Variants in HSD17B4 observed in about 807,000 individuals in gnomAD.
The protein encoded by HSD17B4 is peroxisomal multifunctional enzyme type 2.
Under a neutral mutation model 101.0 loss-of-function variants are expected in HSD17B4, and 70 were observed. The ratio of observed to expected loss-of-function variants is 0.69; its 90% CI spans 0.57 to 0.85. The LOEUF is 0.85. HSD17B4 is among the 40% of genes least tolerant of loss of function. HSD17B4 has a pLI of 0.00. For missense variants in HSD17B4, 984 were observed against 892.4 expected, an observed-to-expected ratio of 1.10 and a Z score of -1.31; for synonymous variants, 347 against 297.1, an observed-to-expected ratio of 1.17 and a Z score of -1.73.
intron 23 of HSD17B4, among the ~76,000 whole-genome samples, chr5:119,541,073 ATGAT>A (rs1312238286): frequency 2.0e-5 from 3 of 152,190 alleles, no homozygotes; most frequent in African/African-American, 7.2e-5. Context: ...TATAAAAACT[ATGAT>A]TGATTATTTT....
At chr5:119,497,359 A>G (rs1192498531) in intron 12 of HSD17B4, among the ~76,000 whole-genome samples, 2 of 152,140 alleles carry the variant, frequency 1.3e-5, no homozygotes, top group Non-Finnish European at 2.9e-5. Context: ...GATAAAATGA[A>G]CTGTGGCTAA....
chr5:119,473,835 T>A, intron 2 of HSD17B4, 73 bp from the exon 3 acceptor site: 1 of 879,504 alleles, frequency 1.1e-6, no homozygotes, highest in South Asian at 1.4e-5. Context: ...AGAATTTCAT[T>A]TTCCACACAC....
At chr5:119,493,042 A>T (rs775880440) in intron 10 of HSD17B4, 1 of 152,176 alleles carries the variant, frequency 6.6e-6, no homozygotes, top group Non-Finnish European at 1.5e-5. Flanking sequence ...TATTGCATTC[A>T]TTTAAAAAAG....
chr5:119,509,000 G>A (rs1751915343), intron 15 of HSD17B4, 141 bp from the exon 16 acceptor site: 1 of 640,416 alleles, frequency 1.6e-6, no homozygotes, highest in South Asian at 1.8e-5. Flanking sequence ...TCCAAACTTG[G>A]ACACCTTTAC....
At chr5:119,464,873 C>T (rs556128037) in intron 2 of HSD17B4, among the ~76,000 whole-genome samples, 15 of 152,288 alleles carry the variant, frequency 9.8e-5, no homozygotes, top group African/African-American at 2.4e-4. Context: ...GGATTATAGG[C>T]GTGAGCCACC....
intron 1 of HSD17B4, 71 bp from the exon 2 acceptor site, chr5:119,456,244 A>G: frequency 3.3e-6 from 3 of 912,568 alleles, no homozygotes; most frequent in Non-Finnish European, 5.6e-6. Flanking sequence ...TTAAATGGGG[A>G]TTGAGTTGAG....
chr5:119,486,036 A>C (rs1175469199), intron 8 of HSD17B4, among the ~76,000 whole-genome samples: 1 of 152,128 alleles, frequency 6.6e-6, no homozygotes, highest in Non-Finnish European at 1.5e-5. Context: ...ATTTGTGCAC[A>C]TGGCAGTTGC....
At chr5:119,531,877 A>C (rs1342507826) in intron 22 of HSD17B4, among the ~76,000 whole-genome samples, 2 of 152,168 alleles carry the variant, frequency 1.3e-5, no homozygotes, top group Admixed American at 6.6e-5. Flanking sequence ...AGATATATAC[A>C]GATTATGGTC....
chr5:119,526,506 C>T (rs556937236), intron 19 of HSD17B4, among the ~76,000 whole-genome samples: 5 of 151,600 alleles, frequency 3.3e-5, no homozygotes, highest in Admixed American at 6.6e-5. Flanking sequence ...TATCCATGCC[C>T]ATATTATTTT....
At chr5:119,459,531 T>C (rs1213880171) in intron 2 of HSD17B4, among the ~76,000 whole-genome samples, 21 of 152,222 alleles carry the variant, frequency 1.4e-4, no homozygotes, top group Non-Finnish European at 1.0e-4. Context: ...CTGTTGCTTA[T>C]AACAGAACAC....
intron 8 of HSD17B4, among the ~76,000 whole-genome samples, chr5:119,483,825 C>T (rs1256518156): frequency 6.6e-6 from 1 of 152,112 alleles, no homozygotes; most frequent in African/African-American, 2.4e-5. Flanking sequence ...AAATGAATAT[C>T]TAACAGATAT....
intron 23 of HSD17B4, among the ~76,000 whole-genome samples, chr5:119,539,055 G>C (rs554634042): frequency 1.3e-5 from 2 of 151,986 alleles, no homozygotes; most frequent in Non-Finnish European, 2.9e-5. Context: ...AGGCTGTATA[G>C]AAATTAGAAA....
chr5:119,483,155 A>G (rs1042996261), intron 8 of HSD17B4, among the ~76,000 whole-genome samples: 1 of 152,106 alleles, frequency 6.6e-6, no homozygotes, highest in African/African-American at 2.4e-5. Flanking sequence ...TAAAACTTAT[A>G]AAAGTGTTGG....
At chr5:119,494,385 CTT>C (rs869115697) in intron 11 of HSD17B4, among the ~76,000 whole-genome samples, 2 of 134,420 alleles carry the variant, frequency 1.5e-5, no homozygotes, top group African/African-American at 5.7e-5. Context: ...TTCTTTCTTT[CTT>C]TCTCAAAAAG....
intron 17 of HSD17B4, among the ~76,000 whole-genome samples, chr5:119,523,694 T>C (rs1230568683): frequency 6.6e-6 from 1 of 152,214 alleles, no homozygotes; most frequent in Non-Finnish European, 1.5e-5. Context: ...GTACTAATCT[T>C]AGAAACTTGG....
intron 23 of HSD17B4, among the ~76,000 whole-genome samples, chr5:119,538,357 C>T (rs964099316): frequency 2.0e-5 from 3 of 152,204 alleles, no homozygotes; most frequent in African/African-American, 2.4e-5. Context: ...TAGCCTCTGT[C>T]ATCTCTCACC....
At chr5:119,456,752 C>T in intron 2 of HSD17B4, 1 of 248,842 alleles carries the variant, frequency 4.0e-6, no homozygotes, top group Non-Finnish European at 7.9e-6. Flanking sequence ...CCCTGTTTCT[C>T]ACAGAAAAGG....
chr5:119,529,058 T>TTG (rs1753837186), intron 20 of HSD17B4, among the ~76,000 whole-genome samples: 1 of 152,176 alleles, frequency 6.6e-6, no homozygotes, highest in Non-Finnish European at 1.5e-5. Context: ...TGCTTTTCAA[T>TTG]GTATGTAATT....
intron 2 of HSD17B4, among the ~76,000 whole-genome samples, chr5:119,467,212 A>G (rs1326814158): frequency 6.6e-6 from 1 of 152,294 alleles, no homozygotes; most frequent in East Asian, 1.9e-4. Flanking sequence ...AGAATGTTCC[A>G]TGTGCTGATG....
Sources: allele counts gnomAD v4.1 joint callset (sites outside exome capture counted in the v4.1 genomes callset), GRCh38; gene constraint gnomAD v4.1.1; transcripts MANE v1.5; gene names NCBI Gene and HGNC (gene_info 2026-07-23, HGNC 2026-07-21).